Variants in MARCO observed in about 807,000 individuals in gnomAD.
The protein encoded by MARCO is macrophage receptor MARCO.
MARCO carries 72 observed loss-of-function variants against 70.0 expected under a neutral mutation model. The ratio of observed to expected loss-of-function variants is 1.03; its 90% confidence interval spans 0.85 to 1.25. MARCO has a LOEUF of 1.25. Ranked by LOEUF, MARCO falls within the 50% of genes most tolerant of loss-of-function variation. The pLI is 0.00. For synonymous variants in MARCO, 273 were observed against 243.1 expected (o/e 1.12, Z -1.14); for missense variants, 696 against 659.3 (o/e 1.06, Z -0.61).
At chr2:118,986,668 G>A (rs768117963) in intron 12 of MARCO, among the ~76,000 whole-genome samples, 4,392 of 45,112 alleles carry the variant, frequency 0.097, 255 homozygotes, top group East Asian at 0.22. Context: ...AAGGAAGGAA[G>A]GAAGGAAAGA....
chr2:118,972,967 T>C (rs1680201306), intron 4 of MARCO, among the ~76,000 whole-genome samples: 1 of 152,160 alleles, frequency 6.6e-6, no homozygotes, highest in Non-Finnish European at 1.5e-5. Flanking sequence ...TGTATGAATA[T>C]AGATGTGCGT....
At chr2:118,979,594 C>T (rs1245425709) in intron 8 of MARCO, among the ~76,000 whole-genome samples, 5 of 152,180 alleles carry the variant, frequency 3.3e-5, no homozygotes, top group African/African-American at 1.2e-4. Context: ...CTGAGTTATG[C>T]AGCTTCCCAA....
At chr2:118,986,652 A>AGAAAGAAAGAAGGAAGGAAG (rs1558671615) in intron 12 of MARCO, among the ~76,000 whole-genome samples, 2 of 48,438 alleles carry the variant, frequency 4.1e-5, no homozygotes, top group African/African-American at 2.3e-4. Context: ...AAAGAAAGAA[A>AGAAAGAAAGAAGGAAGGAAG]GAAGGAAGGA....
In MARCO at chr2:118,969,141, C is replaced by A. The variant is rs776598150; in HGVS notation, c.98-19C>A. 3 of 1,580,080 alleles carry A rather than the reference C, an allele frequency of 1.9e-6. No individual in the cohort carries two copies. Among genetic ancestry groups the A allele is most frequent in the Non-Finnish European group, 2.6e-6 (3 of 1,149,014 alleles). The stretch of plus-strand genomic sequence containing the variant: ...TGTGTTCTCTGCAGCAGCCTCCTTC[C>A]TCCTGGCTTGTGTTTCAGTTCCAAA... On this transcript the variant is annotated intron_variant, in intron 1 of 16. Coordinates refer to ENST00000327097, the MANE Select transcript of MARCO (RefSeq NM_006770.4).
In MARCO at chr2:118,990,559, T is replaced by TCC. The variant is rs3835093; in HGVS notation, c.1064-21_1064-20dup. ...CTAATACCTAAGTTTTATTATCTCC[T>TCC]CCCCCCCCCCTTTTTTGTTTTGATC... On this transcript the variant is annotated intron_variant, in intron 12 of 16. Coordinates refer to ENST00000327097, the MANE Select transcript of MARCO (RefSeq NM_006770.4). The TCC allele has an allele frequency of 5.0e-5, 66 of 1,309,012 alleles. No homozygotes were observed. The African/African-American group carries it at 6.3e-4, about 12-fold the overall frequency. The allele number at this position is 1,309,012 out of a possible 1,614,324, so 81.1% of individuals were successfully genotyped here.
At chr2:118,989,037 A>C (rs1295595990) in intron 12 of MARCO, among the ~76,000 whole-genome samples, 1 of 152,248 alleles carries the variant, frequency 6.6e-6, no homozygotes, top group Non-Finnish European at 1.5e-5. Flanking sequence ...AAGGTCACAA[A>C]GTTAGTATAA....
chr2:118,982,385 C>T lies in MARCO; in HGVS notation c.1038C>T (p.Gly346=), dbSNP rs371255599. ...GCCCCGGGAGTCCAGGAGCCACAGG[C>T]CTGAAAGGAAGCAAAGGGGACACAG... is the stretch of plus-strand genomic sequence containing the variant. ...PGSPGSPGAT[G]LKGSKGDTGL... is the part of the protein sequence containing the mutation. The change falls in exon 12 of 17, where the codon GGC becomes GGT. Residue 346 remains glycine, a synonymous_variant. Coordinates refer to ENST00000327097, the MANE Select transcript of MARCO (RefSeq NM_006770.4). 1.9e-5 allele frequency: 30 copies of T among 1,613,798 alleles called. No homozygotes were observed. The highest frequency in any genetic ancestry group is 2.4e-5 in the Non-Finnish European group (28 of 1,179,942).
chr2:118,947,926 G>A (rs1679634077), intron 1 of MARCO, among the ~76,000 whole-genome samples: 1 of 152,138 alleles, frequency 6.6e-6, no homozygotes, highest in Non-Finnish European at 1.5e-5. Flanking sequence ...TAAATGTAGA[G>A]AGAATTGATA....
intron 4 of MARCO, 97 bp from the exon 5 acceptor site, chr2:118,974,236 G>A: frequency 3.9e-6 from 3 of 773,814 alleles, no homozygotes; most frequent in Non-Finnish European, 6.7e-6. Context: ...CATGCTCAGT[G>A]AACGTTTGTT....
At chr2:118,987,414 T>C (rs1383754128) in intron 12 of MARCO, among the ~76,000 whole-genome samples, 1 of 152,224 alleles carries the variant, frequency 6.6e-6, no homozygotes, top group Non-Finnish European at 1.5e-5. Flanking sequence ...ACTCAGCCAG[T>C]GTTCTCTTAG....
At chr2:118,947,295 T>C (rs909435440) in intron 1 of MARCO, among the ~76,000 whole-genome samples, 1 of 152,198 alleles carries the variant, frequency 6.6e-6, no homozygotes, top group African/African-American at 2.4e-5. Context: ...AGTTTTACAT[T>C]ATTTTTATTT....
Position 118,969,194 on chromosome 2 carries a change from C to T in MARCO, c.132C>T (p.Phe44=), listed in dbSNP as rs143848029. The change falls in exon 2 of 17, where the codon TTC becomes TTT. Residue 44 remains phenylalanine, a synonymous_variant. Transcript: ENST00000327097. ...CCAAGAGGAGAAATGGGGTGAACTT[C>T]TCCCTAGCTGTGGTGGTCATCTACC... is the stretch of plus-strand genomic sequence containing the variant. ...PKPKRRNGVN[F]SLAVVVIYLI... 1.7e-4 allele frequency: 279 copies of T among 1,614,190 alleles called. 1 individual carries two copies. In the Admixed American group the frequency reaches 4.5e-3, roughly 26 times the overall value.
chr2:118,972,490 G>A (rs1409033464), intron 4 of MARCO, among the ~76,000 whole-genome samples: 1 of 152,108 alleles, frequency 6.6e-6, no homozygotes, highest in Non-Finnish European at 1.5e-5. Context: ...CCTGTAAACT[G>A]GGTGGCCTTG....
intron 1 of MARCO, among the ~76,000 whole-genome samples, chr2:118,943,274 A>G (rs1679538327): frequency 6.6e-6 from 1 of 152,218 alleles, no homozygotes; most frequent in Non-Finnish European, 1.5e-5. Flanking sequence ...CTCTGCCTCT[A>G]GGAATTTACA....
In MARCO at chr2:118,970,101, G is replaced by A. The variant is rs759665858; in HGVS notation, c.200-13G>A. ...CCTCAGTCCCTAAAAGAATGCTGTG[G>A]GGTGGGGCCCAGTTCTGAATCTGCA... On this transcript the variant is annotated splice_polypyrimidine_tract_variant and intron_variant, in intron 2 of 16. Coordinates refer to ENST00000327097, the MANE Select transcript of MARCO (RefSeq NM_006770.4). 1.1e-5 allele frequency: 17 copies of A among 1,609,848 alleles called. No homozygotes were observed. The African/African-American group carries it at 1.6e-4, about 15-fold the overall frequency.
At chr2:118,951,521 C>T (rs1211399272) in intron 1 of MARCO, among the ~76,000 whole-genome samples, 3 of 152,216 alleles carry the variant, frequency 2.0e-5, no homozygotes, top group Non-Finnish European at 4.4e-5. Context: ...TTCTACTTTG[C>T]TCTCTTAGCA....
At chr2:118,961,193 T>A (rs1467935132) in intron 1 of MARCO, among the ~76,000 whole-genome samples, 1 of 152,236 alleles carries the variant, frequency 6.6e-6, no homozygotes, top group Non-Finnish European at 1.5e-5. Context: ...AGTGCTGCAA[T>A]GAACATACAT....
intron 1 of MARCO, among the ~76,000 whole-genome samples, chr2:118,946,338 C>T (rs924999255): frequency 6.6e-6 from 1 of 152,154 alleles, no homozygotes; most frequent in Non-Finnish European, 1.5e-5. Context: ...CCCCCACCAG[C>T]AGTCATCAAC....
chr2:118,992,408 G>A (rs773175113), intron 14 of MARCO, 24 bp from the exon 15 acceptor site: 24 of 1,611,606 alleles, frequency 1.5e-5, no homozygotes, highest in Admixed American at 3.3e-5. Context: ...CTTTCAAACC[G>A]TGTGGGTTTT....
Sources: gnomAD v4.1 joint callset for allele counts (sites outside exome capture counted in the v4.1 genomes callset) on GRCh38, gnomAD v4.1.1 for gene constraint, MANE v1.5 for transcripts, NCBI Gene and HGNC (gene_info 2026-07-23, HGNC 2026-07-21) for gene names.